Variants in L3MBTL4 observed in about 807,000 individuals in gnomAD.
L3MBTL4 encodes lethal(3)malignant brain tumor-like protein 4.
Under a neutral mutation model 84.5 loss-of-function variants are expected in L3MBTL4, and 70 were observed. That is an observed-to-expected ratio of 0.83 (90% CI 0.68 to 1.01). The LOEUF is 1.01. Among genes scored for constraint, L3MBTL4 ranks in the 50% least tolerant of loss-of-function variants. L3MBTL4 has a pLI of 0.00. For missense variants in L3MBTL4, 715 were observed against 754.8 expected (o/e 0.95, Z 0.62); for synonymous variants, 274 against 259.8 (o/e 1.05, Z -0.52).
At chr18:6,186,145 C>T (rs1055496834) in intron 12 of L3MBTL4, among the ~76,000 whole-genome samples, 24 of 151,814 alleles carry the variant, frequency 1.6e-4, no homozygotes, top group African/African-American at 4.6e-4. Flanking sequence ...CCCAAGTAGC[C>T]GGGACTACAG....
chr18:6,060,000 G>A (rs1186018266), intron 16 of L3MBTL4, among the ~76,000 whole-genome samples: 2 of 152,164 alleles, frequency 1.3e-5, no homozygotes, highest in African/African-American at 4.8e-5. Context: ...GACATCTAAA[G>A]AAAGTAGTAG....
chr18:6,193,615 G>A (rs1400412267), intron 12 of L3MBTL4, among the ~76,000 whole-genome samples: 1 of 152,196 alleles, frequency 6.6e-6, no homozygotes, highest in East Asian at 1.9e-4. Context: ...CTTGCAGTCT[G>A]GGCTTCTTGA....
chr18:6,340,395 T>C (rs1599701862), intron 1 of L3MBTL4, among the ~76,000 whole-genome samples: 2 of 152,152 alleles, frequency 1.3e-5, no homozygotes, highest in Non-Finnish European at 2.9e-5. Context: ...GTGGCACAGC[T>C]CAGTGCCAAG....
chr18:6,411,892 AATC>A (rs1289747035), intron 1 of L3MBTL4, among the ~76,000 whole-genome samples: 4 of 152,218 alleles, frequency 2.6e-5, no homozygotes, highest in African/African-American at 9.7e-5. Flanking sequence ...CACAACGCAA[AATC>A]ATTTTGCTTT....
intron 4 of L3MBTL4, among the ~76,000 whole-genome samples, chr18:6,291,647 T>G (rs1392736127): frequency 6.6e-6 from 1 of 152,166 alleles, no homozygotes; most frequent in African/African-American, 2.4e-5. Flanking sequence ...GATATCCATA[T>G]GCAGAGGAAT....
chr18:6,271,040 C>A (rs926697811), intron 4 of L3MBTL4, among the ~76,000 whole-genome samples: 4 of 152,110 alleles, frequency 2.6e-5, no homozygotes, highest in Non-Finnish European at 1.5e-5. Flanking sequence ...GGTTACAGAG[C>A]CCGCGGGGCA....
At chr18:6,072,041 G>A (rs1444559820) in intron 16 of L3MBTL4, among the ~76,000 whole-genome samples, 1 of 152,008 alleles carries the variant, frequency 6.6e-6, no homozygotes, top group Non-Finnish European at 1.5e-5. Flanking sequence ...ATCAGACAAA[G>A]GAAACAAAGG....
At chr18:6,314,353 G>T (rs1462448226) in intron 1 of L3MBTL4, among the ~76,000 whole-genome samples, 1 of 152,084 alleles carries the variant, frequency 6.6e-6, no homozygotes, top group Non-Finnish European at 1.5e-5. Context: ...GTTAAAAAAA[G>T]AATAATGTCA....
chr18:6,130,715 G>C (rs2059851169), intron 14 of L3MBTL4, among the ~76,000 whole-genome samples: 1 of 151,966 alleles, frequency 6.6e-6, no homozygotes, highest in Admixed American at 6.6e-5. Context: ...ATCTAATCCT[G>C]GACCTTGACT....
chr18:5,982,533 C>G (rs1598353547), intron 16 of L3MBTL4, among the ~76,000 whole-genome samples: 1 of 152,160 alleles, frequency 6.6e-6, no homozygotes, highest in Non-Finnish European at 1.5e-5. Flanking sequence ...ACAGACAGAG[C>G]CACTCAGAAG....
At chr18:6,223,463 G>A (rs892392918) in intron 10 of L3MBTL4, among the ~76,000 whole-genome samples, 3 of 152,134 alleles carry the variant, frequency 2.0e-5, no homozygotes, top group Admixed American at 2.0e-4. Context: ...ACATAGTTGA[G>A]CAAAGTTAAA....
At chr18:6,031,548 C>A in intron 16 of L3MBTL4, 1 of 967,140 alleles carries the variant, frequency 1.0e-6, no homozygotes, top group Non-Finnish European at 1.2e-6. Flanking sequence ...CTCAGGTGGG[C>A]CGGTCAGTTC....
At chr18:6,333,714 CAA>C (rs201919853) in intron 1 of L3MBTL4, among the ~76,000 whole-genome samples, 41,699 of 151,926 alleles carry the variant, frequency 0.27, 7,488 homozygotes, top group African/African-American at 0.52. Flanking sequence ...CAACCACAAA[CAA>C]ATCAGCAAAT....
intron 17 of L3MBTL4, among the ~76,000 whole-genome samples, chr18:5,963,641 T>C (rs2052181471): frequency 6.6e-6 from 1 of 152,258 alleles, no homozygotes; most frequent in African/African-American, 2.4e-5. Context: ...CAGACTTCTC[T>C]GGCCAAGAAT....
intron 1 of L3MBTL4, among the ~76,000 whole-genome samples, chr18:6,412,550 G>T (rs189806): frequency 3.5e-4 from 54 of 152,168 alleles, no homozygotes; most frequent in African/African-American, 1.3e-3. Flanking sequence ...TGGCTTTCAG[G>T]TTGGCCTTTT....
chr18:6,376,784 A>G (rs370311565), intron 1 of L3MBTL4, among the ~76,000 whole-genome samples: 9 of 152,280 alleles, frequency 5.9e-5, no homozygotes, highest in African/African-American at 2.2e-4. Flanking sequence ...TACTTTCCTT[A>G]CTAGCATAGC....
intron 12 of L3MBTL4, among the ~76,000 whole-genome samples, chr18:6,181,570 T>C (rs2044472935): frequency 6.6e-6 from 1 of 152,116 alleles, no homozygotes; most frequent in South Asian, 2.1e-4. Context: ...CCTCAAGTTA[T>C]CCGCCCACCT....
At chr18:6,396,787 A>G (rs1405855295) in intron 1 of L3MBTL4, 1 of 152,226 alleles carries the variant, frequency 6.6e-6, no homozygotes, top group Non-Finnish European at 1.5e-5. Flanking sequence ...AACAGTAGCT[A>G]TCTTCATACT....
rs767706774 is a variant in L3MBTL4 at position 6,239,765 on chromosome 18, A to G, written c.660T>C (p.Asp220=). Residue 220 remains aspartate, a synonymous_variant, in exon 9 of 19, where the codon GAT becomes GAC. Coordinates refer to ENST00000317931, the MANE Select transcript of L3MBTL4 (RefSeq NM_001330559.2). ...AGTTGTCAAAATGCACTAGTAAGCG[A>G]TCTTCAACAATATCTGCTATGGTCG... ...CVATIADIVE[D]RLLVHFDNWD... The G allele has an allele frequency of 4.3e-6, 7 of 1,614,052 alleles. No individual in the cohort carries two copies. In the African/African-American group the frequency reaches 8.0e-5, roughly 18 times the overall value.
Sources: allele counts gnomAD v4.1 joint callset (sites outside exome capture counted in the v4.1 genomes callset), GRCh38; gene constraint gnomAD v4.1.1; transcripts MANE v1.5; gene names NCBI Gene and HGNC (gene_info 2026-07-23, HGNC 2026-07-21).